LY75: variants seen among roughly 807,000 people sequenced by gnomAD.
LY75 encodes the protein C-type lectin domain family 13 member B.
LY75 carries 185 observed loss-of-function variants against 231.7 expected under a neutral mutation model. That is an observed-to-expected ratio of 0.80 (90% confidence interval 0.71 to 0.90). The LOEUF (loss-of-function observed/expected upper bound fraction) is 0.90, where lower values mean the gene tolerates loss of function less well. Among genes scored for constraint, LY75 ranks in the 40% least tolerant of loss-of-function variants. The probability of loss-of-function intolerance (pLI) is 0.00; values close to 1 mark genes in which losing one functional copy is unlikely to be tolerated. For missense variants in LY75, 1,947 were observed against 2,050.2 expected, an observed-to-expected ratio of 0.95 and a Z score of 0.97; for synonymous variants, 668 against 689.0, an observed-to-expected ratio of 0.97 and a Z score of 0.48.
At position 159,840,811 on chromosome 2, in the gene LY75, GT is replaced by G. The variant is rs772419671; in HGVS notation, c.3424del (p.Thr1142ArgfsTer57). Reference sequence around the variant, plus strand: ...GAGGAATGCCTGCTGGTAAGGGTCCGTGATGCTCACCAGCTGCATGTTACTT... The same window carrying G: ...GAGGAATGCCTGCTGGTAAGGGTCCGGATGCTCACCAGCTGCATGTTACTT... Reference protein sequence around the residue: ...LKSNMQLVSITDPYQQAFLSV... With the variant: ...LKSNMQLVSIXDPYQQAFLSV... On this transcript the variant is annotated frameshift_variant, in exon 25 of 35. Coordinates refer to ENST00000263636, the MANE Select transcript of LY75 (RefSeq NM_002349.4). LOFTEE classifies it high-confidence loss of function. The G allele has an allele frequency of 1.2e-6, 2 of 1,614,084 alleles. No homozygotes were observed. Among genetic ancestry groups the G allele is most frequent in the South Asian group, 2.2e-5 (2 of 91,080 alleles).
rs762347412 is a variant in LY75, at chr2:159,879,354, C to G, written c.1420G>C (p.Val474Leu). Reference sequence around the variant, plus strand: ...TTTAGTTTCTCCTCACATGATTGGACTTTCCACTGACCTAGCTTTGAAAGG... The same window carrying G: ...TTTAGTTTCTCCTCACATGATTGGAGTTTCCACTGACCTAGCTTTGAAAGG... ...SYLGELGQWK[V>L]QSCEEKLKYV... Residue 474 changes from valine (V) to leucine (L), a missense_variant, in exon 9 of 35, where the codon GTC (valine) becomes CTC (leucine). Coordinates refer to ENST00000263636, the MANE Select transcript of LY75 (RefSeq NM_002349.4). 39 of 1,613,282 alleles carry G rather than the reference C, an allele frequency of 2.4e-5. No individual in the cohort carries two copies. Among genetic ancestry groups the G allele is most frequent in the Non-Finnish European group, 3.2e-5 (38 of 1,179,816 alleles).
At chr2:159,822,836 G>A (rs1683339513) in intron 28 of LY75, among the ~76,000 whole-genome samples, 1 of 152,138 alleles carries the variant, frequency 6.6e-6, no homozygotes, top group African/African-American at 2.4e-5. Context: ...ACAGAGTCGG[G>A]TAGACATCCA....
rs1263725070 is a variant in LY75, at chr2:159,840,859, C to T, written c.3377G>A (p.Ser1126Asn). The T allele has an allele frequency of 2.5e-6, 4 of 1,613,978 alleles. No homozygotes were observed. Among genetic ancestry groups the T allele is most frequent in the Non-Finnish European group, 3.4e-6 (4 of 1,179,972 alleles). Residue 1126 changes from serine to asparagine, a missense_variant, in exon 25 of 35, where the codon AGT becomes AAT. Ser to Asn is a conservative substitution (Grantham distance 46). Transcript: ENST00000263636. ...KIIPKTLTWHSAKRECLKSNM... is the reference protein window; with the variant it reads ...KIIPKTLTWHNAKRECLKSNM... The stretch of plus-strand genomic sequence containing the variant: ...ACTTTTCAGACACTCCCTTTTAGCA[C>T]TGTGCCAAGTCAGAGTCTTTGGGAT...
At chr2:159,872,193 A>G (rs1685035221) in intron 13 of LY75, 1 of 319,200 alleles carries the variant, frequency 3.1e-6, no homozygotes, top group Non-Finnish European at 5.7e-6. Flanking sequence ...CCTATATTCT[A>G]GATTTTCTGC....
intron 4 of LY75, among the ~76,000 whole-genome samples, chr2:159,887,580 A>AAAAG (rs1553812856): frequency 4.0e-5 from 6 of 150,540 alleles, no homozygotes; most frequent in Non-Finnish European, 7.4e-5. Context: ...AAAAAAAAAA[A>AAAAG]AAAAGAAAAA....
chr2:159,864,787 T>C, intron 14 of LY75, 52 bp downstream of exon 14: 1 of 1,461,588 alleles, frequency 6.8e-7, no homozygotes. Flanking sequence ...CAACTTGTTA[T>C]TGAAACAAAC....
At chr2:159,889,805 C>T (rs994050175) in intron 4 of LY75, among the ~76,000 whole-genome samples, 1 of 152,160 alleles carries the variant, frequency 6.6e-6, no homozygotes, top group Non-Finnish European at 1.5e-5. Context: ...CCCCTGAGGA[C>T]TGTACCCTTT....
chr2:159,872,352 A>T (rs1326983105), intron 13 of LY75, 99 bp downstream of exon 13: 1 of 1,468,386 alleles, frequency 6.8e-7, no homozygotes, highest in Non-Finnish European at 9.1e-7. Flanking sequence ...AAACATGTCC[A>T]TTTTTTTTCC....
chr2:159,879,390 A>G, intron 8 of LY75, 21 bp from the exon 9 acceptor site: 1 of 1,611,620 alleles, frequency 6.2e-7, no homozygotes, highest in Admixed American at 1.7e-5. Context: ...AGACAAAAAC[A>G]TTTGCTTGGA....
rs192157103 is a variant in LY75, at chr2:159,847,234, G to A, written c.3150+2746C>T. Among the ~76,000 whole-genome samples, 1,219 of 152,140 alleles carry A rather than the reference G, an allele frequency of 8.0e-3. 8 individuals carry two copies. The highest frequency in any genetic ancestry group is 0.012 in the Non-Finnish European group (800 of 67,988). On this transcript the variant is annotated intron_variant, in intron 23 of 34. Coordinates refer to ENST00000263636, the MANE Select transcript of LY75 (RefSeq NM_002349.4). The stretch of plus-strand genomic sequence containing the variant: ...TCACTGTGTTGCCCAGGCTGGTCTC[G>A]AACTCCTGAGCTCAGGCAATCCGCC...
intron 28 of LY75, among the ~76,000 whole-genome samples, chr2:159,827,963 G>A (rs908185433): frequency 2.0e-5 from 3 of 152,104 alleles, no homozygotes; most frequent in African/African-American, 7.2e-5. Flanking sequence ...TCGGGGGGTA[G>A]GGGGCTAGGG....
intron 14 of LY75, among the ~76,000 whole-genome samples, chr2:159,863,049 T>C (rs909131390): frequency 5.3e-5 from 8 of 151,320 alleles, no homozygotes; most frequent in African/African-American, 9.7e-5. Flanking sequence ...ATCTCAGTGA[T>C]ATCACGTGGC....
chr2:159,821,775 G>A (rs1051984508), intron 28 of LY75, among the ~76,000 whole-genome samples: 31 of 152,344 alleles, frequency 2.0e-4, no homozygotes, highest in Middle Eastern at 3.4e-3. Context: ...CAACTCCAGT[G>A]TGCAGCTCCA....
chr2:159,873,314 T>C (rs1394348597), intron 12 of LY75, among the ~76,000 whole-genome samples: 1 of 152,184 alleles, frequency 6.6e-6, no homozygotes, highest in Admixed American at 6.6e-5. Context: ...TATACGTCTT[T>C]GTACCTTGGC....
At chr2:159,881,615 G>A (rs1685437826) in intron 7 of LY75, among the ~76,000 whole-genome samples, 1 of 152,162 alleles carries the variant, frequency 6.6e-6, no homozygotes. Flanking sequence ...GGAGCACCAG[G>A]CTGGCACTGA....
intron 15 of LY75, among the ~76,000 whole-genome samples, chr2:159,859,216 C>T (rs1684627083): frequency 6.6e-6 from 1 of 152,190 alleles, no homozygotes; most frequent in African/African-American, 2.4e-5. Context: ...CTGAAGTTTT[C>T]ACCTTTTCCT....
chr2:159,803,922 T>C lies in LY75; in HGVS notation c.*1122A>G, dbSNP rs1316369983. On this transcript the variant is annotated 3_prime_UTR_variant, in exon 35 of 35. Coordinates refer to ENST00000263636, the MANE Select transcript of LY75 (RefSeq NM_002349.4). ...TTCTTAGTCAAAAGTTGACATGCTA[T>C]GTGAAGCATATAAATTGTAAAATTA... 1 of 152,244 alleles carries C rather than the reference T, an allele frequency of 6.6e-6. No individual in the cohort carries two copies. Among genetic ancestry groups the C allele is most frequent in the South Asian group, 2.1e-4 (1 of 4,836 alleles). The allele number at this position is 152,244 out of a possible 1,614,324, so 9.4% of individuals were successfully genotyped here. A position where few individuals can be genotyped will look rare whatever the true frequency, so the allele number is the denominator to read the frequency against.
intron 13 of LY75, among the ~76,000 whole-genome samples, chr2:159,870,461 A>G (rs943012489): frequency 3.9e-5 from 6 of 152,096 alleles, no homozygotes; most frequent in Non-Finnish European, 7.4e-5. Context: ...AAAACAAAAC[A>G]AAAAGCAAAT....
In LY75 at chr2:159,899,037, G is replaced by A. The variant is rs980859264; in HGVS notation, c.117C>T (p.Val39=). 1.9e-5 allele frequency: 30 copies of A among 1,613,314 alleles called. No homozygotes were observed. The highest frequency in any genetic ancestry group is 2.5e-5 in the Non-Finnish European group (29 of 1,179,630). The change falls in exon 2 of 35, where the codon GTC becomes GTT. Residue 39 remains valine (V), a synonymous_variant. Transcript: ENST00000263636. ...GRAANDPFTI[V]HGNTGKCIKP... The stretch of plus-strand genomic sequence containing the variant: ...TGATGCACTTGCCCGTATTTCCATG[G>A]ACGATGGTGAAGGGGTCATTAGCTG...
Sources: gnomAD v4.1 joint callset for allele counts (sites outside exome capture counted in the v4.1 genomes callset) on GRCh38, gnomAD v4.1.1 for gene constraint, MANE v1.5 for transcripts, NCBI Gene and HGNC (gene_info 2026-07-23, HGNC 2026-07-21) for gene names.